The following DLG2 variants were observed in gnomAD, a reference collection of about 807,000 sequenced individuals.
The protein encoded by DLG2 is disks large homolog 2.
A neutral mutation model predicts 132.5 loss-of-function variants in DLG2; 45 were observed. The ratio of observed to expected loss-of-function variants is 0.34; its 90% CI spans 0.27 to 0.44. The LOEUF (loss-of-function observed/expected upper bound fraction) is 0.44. Ranked by LOEUF, DLG2 falls within the 20% of genes least tolerant of loss-of-function variation. DLG2 has a pLI of 1.00. For synonymous variants in DLG2, 424 were observed against 419.6 expected (o/e 1.01, Z -0.13); for missense variants, 1,045 against 1,196.9 (o/e 0.87, Z 1.87).
At chr11:84,945,791 G>C (rs775644544) in intron 6 of DLG2, among the ~76,000 whole-genome samples, 1 of 152,066 alleles carries the variant, frequency 6.6e-6, no homozygotes, top group Non-Finnish European at 1.5e-5. Context: ...TGCATCCCAC[G>C]TCCACTGGGA....
At chr11:84,110,186 A>G (rs1456004732) in intron 9 of DLG2, among the ~76,000 whole-genome samples, 8 of 152,214 alleles carry the variant, frequency 5.3e-5, no homozygotes, top group Non-Finnish European at 1.0e-4. Flanking sequence ...ACAACAGAGC[A>G]AGAATGTGAG....
At chr11:83,494,987 G>T (rs991484645) in intron 21 of DLG2, among the ~76,000 whole-genome samples, 3 of 152,046 alleles carry the variant, frequency 2.0e-5, no homozygotes, top group African/African-American at 7.2e-5. Flanking sequence ...TCTCCCTACT[G>T]ATCAGACCCT....
At chr11:83,482,503 C>A (rs2093202451) in intron 22 of DLG2, among the ~76,000 whole-genome samples, 1 of 151,986 alleles carries the variant, frequency 6.6e-6, no homozygotes. Flanking sequence ...CAATCAGATA[C>A]AGACTAAATA....
At chr11:85,023,166 G>A (rs930316136) in intron 6 of DLG2, among the ~76,000 whole-genome samples, 2 of 151,932 alleles carry the variant, frequency 1.3e-5, no homozygotes, top group Non-Finnish European at 2.9e-5. Context: ...AAAACAAGAA[G>A]GGTGCTTTAT....
chr11:84,373,251 A>AAAAAAAACAAC lies in DLG2; in HGVS notation c.520-121961_520-121960insGTTGTTTTTTT, dbSNP rs1555532590. On this transcript the variant is annotated intron_variant, in intron 7 of 27. Coordinates refer to ENST00000376104, the MANE Select transcript of DLG2 (RefSeq NM_001142699.3). ...GTTTTTTCCAATTAAGAAACAGTCA[A>AAAAAAAACAAC]AAAAAAAAAAAAACAAAACAAAAAA... Among the ~76,000 whole-genome samples the AAAAAAAACAAC allele has an allele frequency of 4.0e-5, 3 of 75,792 alleles. No individual in the cohort carries two copies. In the East Asian group the frequency reaches 9.7e-4, roughly 25 times the overall value. 49.7% of individuals were successfully genotyped at this position (75,792 alleles called of 152,430 possible).
At chr11:83,989,848 C>T (rs1006101698) in intron 11 of DLG2, among the ~76,000 whole-genome samples, 7 of 152,118 alleles carry the variant, frequency 4.6e-5, no homozygotes, top group Non-Finnish European at 1.0e-4. Flanking sequence ...GTGTAAGGAA[C>T]ACTTAAAATG....
chr11:83,576,958 AT>A (rs2096882888), intron 19 of DLG2, among the ~76,000 whole-genome samples: 1 of 152,164 alleles, frequency 6.6e-6, no homozygotes, highest in Non-Finnish European at 1.5e-5. Flanking sequence ...ACTTGATTGG[AT>A]TGAAGGATAC....
chr11:84,924,110 A>T (rs2092886840), intron 6 of DLG2, among the ~76,000 whole-genome samples: 1 of 152,114 alleles, frequency 6.6e-6, no homozygotes, highest in Non-Finnish European at 1.5e-5. Context: ...GAAAAAAAAA[A>T]ATTAAAAACA....
chr11:84,575,763 T>C (rs207472101), intron 6 of DLG2, among the ~76,000 whole-genome samples: 1 of 152,216 alleles, frequency 6.6e-6, no homozygotes. Flanking sequence ...TCCTATCAAA[T>C]ACTATATACT....
chr11:84,332,508 CTTTT>C (rs34149557), intron 7 of DLG2, among the ~76,000 whole-genome samples: 1 of 78,292 alleles, frequency 1.3e-5, no homozygotes, highest in Non-Finnish European at 2.3e-5. Context: ...CCGCGCCTGG[CTTTT>C]TTTTTTTTTT....
At chr11:84,434,918 GAAAAA>G (rs770101910) in intron 7 of DLG2, among the ~76,000 whole-genome samples, 254 of 79,254 alleles carry the variant, frequency 3.2e-3, no homozygotes, top group African/African-American at 9.3e-3. Flanking sequence ...GTCACCTACT[GAAAAA>G]AAAAAAAAAA....
At chr11:85,130,712 A>C (rs149121387) in intron 5 of DLG2, among the ~76,000 whole-genome samples, 92 of 152,296 alleles carry the variant, frequency 6.0e-4, no homozygotes, top group African/African-American at 2.2e-3. Context: ...ACTAAGATAT[A>C]ATTAAAATTT....
chr11:85,273,328 T>C (rs2077666190), intron 4 of DLG2, among the ~76,000 whole-genome samples: 1 of 152,032 alleles, frequency 6.6e-6, no homozygotes, highest in Non-Finnish European at 1.5e-5. Context: ...ACCTACAGAA[T>C]GGGAAGAAAT....
intron 11 of DLG2, among the ~76,000 whole-genome samples, chr11:83,985,201 C>G (rs1223545000): frequency 6.6e-6 from 1 of 152,120 alleles, no homozygotes; most frequent in East Asian, 1.9e-4. Flanking sequence ...AAGACCTAGA[C>G]TGGCTAAGGC....
intron 18 of DLG2, among the ~76,000 whole-genome samples, chr11:83,660,809 AT>A (rs2074060470): frequency 6.6e-6 from 1 of 152,044 alleles, no homozygotes; most frequent in Non-Finnish European, 1.5e-5. Flanking sequence ...AAATTGTACT[AT>A]TTGACCTCTC....
chr11:85,605,954 G>T (rs1254659453), intron 2 of DLG2, among the ~76,000 whole-genome samples: 1 of 152,114 alleles, frequency 6.6e-6, no homozygotes, highest in Non-Finnish European at 1.5e-5. Context: ...CTCCAGCATG[G>T]GTGACAGACA....
At chr11:84,051,987 A>C (rs2096395384) in intron 11 of DLG2, among the ~76,000 whole-genome samples, 2 of 151,918 alleles carry the variant, frequency 1.3e-5, no homozygotes, top group Admixed American at 1.3e-4. Flanking sequence ...GGAGAGGTCA[A>C]AAGCAGGAGT....
chr11:84,200,189 G>A (rs748053811), intron 8 of DLG2, among the ~76,000 whole-genome samples: 6 of 152,060 alleles, frequency 3.9e-5, no homozygotes, highest in Non-Finnish European at 8.8e-5. Context: ...TATTCAATAT[G>A]AGTAAGAATA....
chr11:84,279,690 C>A (rs1179251436), intron 7 of DLG2, among the ~76,000 whole-genome samples: 2 of 152,138 alleles, frequency 1.3e-5, no homozygotes, highest in Non-Finnish European at 2.9e-5. Flanking sequence ...CCATCATTCT[C>A]AGCAAACTAA....
Sources: allele counts gnomAD v4.1 joint callset (sites outside exome capture counted in the v4.1 genomes callset), GRCh38; gene constraint gnomAD v4.1.1; transcripts MANE v1.5; gene names NCBI Gene and HGNC (gene_info 2026-07-23, HGNC 2026-07-21).